The following PLCXD3 variants were observed in gnomAD, a reference collection of about 807,000 sequenced individuals.
The protein encoded by PLCXD3 is phosphatidylinositol specific phospholipase C X domain containing 3.
A neutral mutation model predicts 25.5 loss-of-function variants in PLCXD3; 19 were observed. The observed-to-expected ratio is 0.75, with a 90% CI of 0.52 to 1.09. The LOEUF (loss-of-function observed/expected upper bound fraction) is 1.09, where lower values mean the gene tolerates loss of function less well. PLCXD3 is among the 50% of genes least tolerant of loss of function. PLCXD3 has a pLI of 0.00. For missense variants in PLCXD3, 411 were observed against 388.1 expected (o/e 1.06, Z -0.50); for synonymous variants, 174 against 137.6 (o/e 1.26, Z -1.85).
At chr5:41,437,966 C>A (rs1747293958) in intron 1 of PLCXD3, among the ~76,000 whole-genome samples, 1 of 152,188 alleles carries the variant, frequency 6.6e-6, no homozygotes, top group African/African-American at 2.4e-5. Flanking sequence ...CATTCCCCAG[C>A]CCCTCTTGGA....
intron 1 of PLCXD3, among the ~76,000 whole-genome samples, chr5:41,454,922 A>C (rs1020278296): frequency 1.3e-5 from 2 of 151,966 alleles, no homozygotes; most frequent in Non-Finnish European, 2.9e-5. Context: ...GAAACTTACA[A>C]TCATAGTGGA....
intron 2 of PLCXD3, among the ~76,000 whole-genome samples, chr5:41,354,149 T>C (rs1219386413): frequency 6.6e-6 from 1 of 152,164 alleles, no homozygotes; most frequent in Non-Finnish European, 1.5e-5. Context: ...ATTCTAATTA[T>C]CTCTCAATGA....
chr5:41,434,089 C>T (rs1369639570), intron 1 of PLCXD3, among the ~76,000 whole-genome samples: 1 of 152,158 alleles, frequency 6.6e-6, no homozygotes, highest in East Asian at 1.9e-4. Flanking sequence ...CAGGAAATGC[C>T]CACACAGCTG....
intron 2 of PLCXD3, among the ~76,000 whole-genome samples, chr5:41,332,227 G>A (rs1743838001): frequency 6.6e-6 from 1 of 151,892 alleles, no homozygotes; most frequent in South Asian, 2.1e-4. Context: ...AATCTACAAT[G>A]AACTCCAACA....
At chr5:41,319,747 G>T (rs1196258728) in intron 2 of PLCXD3, among the ~76,000 whole-genome samples, 2 of 150,614 alleles carry the variant, frequency 1.3e-5, no homozygotes, top group African/African-American at 2.5e-5. Flanking sequence ...TAGAAGAAAA[G>T]AAATAATAAA....
intron 1 of PLCXD3, among the ~76,000 whole-genome samples, chr5:41,488,988 A>T (rs2150524886): frequency 6.6e-6 from 1 of 152,080 alleles, no homozygotes; most frequent in Non-Finnish European, 1.5e-5. Flanking sequence ...GGTGTTTTAG[A>T]CATGAAGTCC....
intron 1 of PLCXD3, among the ~76,000 whole-genome samples, chr5:41,480,289 AGGCTCTCT>A (rs1290496824): frequency 6.6e-6 from 1 of 152,126 alleles, no homozygotes; most frequent in Admixed American, 6.5e-5. Flanking sequence ...ACCCATTGAG[AGGCTCTCT>A]GAGCTCCAGG....
intron 2 of PLCXD3, among the ~76,000 whole-genome samples, chr5:41,356,762 A>T (rs564294746): frequency 6.6e-6 from 1 of 152,304 alleles, no homozygotes; most frequent in African/African-American, 2.4e-5. Flanking sequence ...CAAAGATAAA[A>T]CACGTATTTT....
chr5:41,426,785 T>C (rs768730788), intron 1 of PLCXD3, among the ~76,000 whole-genome samples: 1 of 152,096 alleles, frequency 6.6e-6, no homozygotes, highest in South Asian at 2.1e-4. Context: ...CTTAGTTTTC[T>C]TCTTTTTAAG....
At chr5:41,374,648 T>C in intron 2 of PLCXD3, among the ~76,000 whole-genome samples, 1 of 152,182 alleles carries the variant, frequency 6.6e-6, no homozygotes, top group African/African-American at 2.4e-5. Context: ...ATGAATCTTA[T>C]GGTGAAAGCT....
chr5:41,341,564 G>T (rs956397394), intron 2 of PLCXD3, among the ~76,000 whole-genome samples: 23 of 152,148 alleles, frequency 1.5e-4, no homozygotes, highest in African/African-American at 5.6e-4. Context: ...CTGTTCCTCA[G>T]CTGAACTTTT....
At chr5:41,392,025 C>T (rs559525721) in intron 1 of PLCXD3, among the ~76,000 whole-genome samples, 3 of 152,242 alleles carry the variant, frequency 2.0e-5, no homozygotes, top group South Asian at 2.1e-4. Context: ...AGTGCCGGCT[C>T]AGCTGCAACA....
intron 2 of PLCXD3, among the ~76,000 whole-genome samples, chr5:41,353,491 T>C (rs80184248): frequency 6.6e-6 from 1 of 152,196 alleles, no homozygotes; most frequent in Admixed American, 6.5e-5. Flanking sequence ...TGGGATATGG[T>C]CTGAGGTCAG....
chr5:41,469,600 G>T (rs1483490000), intron 1 of PLCXD3, among the ~76,000 whole-genome samples: 1 of 151,572 alleles, frequency 6.6e-6, no homozygotes, highest in African/African-American at 2.4e-5. Context: ...ATTGTGTCTA[G>T]GAATATATCT....
chr5:41,494,176 G>T (rs2150526686), intron 1 of PLCXD3, among the ~76,000 whole-genome samples: 1 of 152,280 alleles, frequency 6.6e-6, no homozygotes, highest in Admixed American at 6.5e-5. Context: ...AGAGCTCACT[G>T]GAGCCTTGAA....
At chr5:41,325,232 T>A (rs1217213326) in intron 2 of PLCXD3, among the ~76,000 whole-genome samples, 1 of 152,216 alleles carries the variant, frequency 6.6e-6, no homozygotes, top group Non-Finnish European at 1.5e-5. Flanking sequence ...CTCTGAGTCA[T>A]GGGAATATTT....
chr5:41,379,199 C>T (rs1476433923), intron 2 of PLCXD3, among the ~76,000 whole-genome samples: 1 of 152,018 alleles, frequency 6.6e-6, no homozygotes, highest in Non-Finnish European at 1.5e-5. Flanking sequence ...CTGCCTTTTC[C>T]CCACCTCTAG....
chr5:41,428,381 TGTTTTTGTTTTTG>T (rs1304690543), intron 1 of PLCXD3, among the ~76,000 whole-genome samples: 4 of 136,766 alleles, frequency 2.9e-5, no homozygotes, highest in African/African-American at 1.1e-4. Flanking sequence ...TGAGTTTTTT[TGTTTTTGTTTTTG>T]TTTTTTTTAG....
At chr5:41,446,993 T>C (rs1213546093) in intron 1 of PLCXD3, among the ~76,000 whole-genome samples, 1 of 152,244 alleles carries the variant, frequency 6.6e-6, no homozygotes, top group Non-Finnish European at 1.5e-5. Context: ...GCAAAGGCTA[T>C]TAATGTTCAG....
Sources: allele counts gnomAD v4.1 joint callset (sites outside exome capture counted in the v4.1 genomes callset), GRCh38; gene constraint gnomAD v4.1.1; transcripts MANE v1.5; gene names NCBI Gene and HGNC (gene_info 2026-07-23, HGNC 2026-07-21).